The following PRICKLE1 variants were observed in gnomAD, a reference collection of about 807,000 sequenced individuals.
The protein encoded by PRICKLE1 is prickle-like protein 1.
Under a neutral mutation model 70.2 loss-of-function variants are expected in PRICKLE1, and 14 were observed. That is an observed-to-expected ratio of 0.20 (90% CI 0.13 to 0.31). The LOEUF (loss-of-function observed/expected upper bound fraction) is 0.31, where lower values mean the gene tolerates loss of function less well. Among genes scored for constraint, PRICKLE1 ranks in the 10% least tolerant of loss-of-function variants. The probability of loss-of-function intolerance (pLI) is 1.00; values close to 1 mark genes in which losing one functional copy is unlikely to be tolerated. For missense variants in PRICKLE1, 821 were observed against 1,026.2 expected (o/e 0.80, Z 2.73); for synonymous variants, 357 against 379.9 (o/e 0.94, Z 0.70).
chr12:42,568,329 C>T (rs1940655444), intron 1 of PRICKLE1, among the ~76,000 whole-genome samples: 1 of 152,174 alleles, frequency 6.6e-6, no homozygotes, highest in South Asian at 2.1e-4. Context: ...TGCATGCCAC[C>T]ACACCTGGCT....
chr12:42,467,595 A>G (rs1938150809), intron 5 of PRICKLE1, among the ~76,000 whole-genome samples: 1 of 152,008 alleles, frequency 6.6e-6, no homozygotes. Context: ...CAAAAAAAAA[A>G]ATTAGCTGGG....
At chr12:42,499,768 C>A (rs1939273731) in intron 1 of PRICKLE1, among the ~76,000 whole-genome samples, 1 of 151,614 alleles carries the variant, frequency 6.6e-6, no homozygotes. Context: ...TGCTCTGTTG[C>A]CCACGCTGGA....
chr12:42,521,929 G>GGTGTGTGTGTGTGTGT (rs72169209), intron 1 of PRICKLE1, among the ~76,000 whole-genome samples: 1 of 139,876 alleles, frequency 7.1e-6, no homozygotes, highest in African/African-American at 2.8e-5. Context: ...GTTTGTTTTT[G>GGTGTGTGTGTGTGTGT]GTGTGTGTGT....
In PRICKLE1 at chr12:42,464,326, T is replaced by C; in HGVS notation, c.1639+69A>G. ...ATGAGCCACTGCGCCTGGCTTGAAT[T>C]GCAATTTTTTGAATACACTTTTTAG... On this transcript the variant is annotated intron_variant, in intron 7 of 7. Coordinates refer to ENST00000345127, the MANE Select transcript of PRICKLE1 (RefSeq NM_153026.3). The surrounding 1 kb of genome is among the most constrained non-coding windows in gnomAD (Gnocchi z 4.2). 6.2e-7 allele frequency: 1 copy of C among 1,601,476 alleles called. No homozygotes were observed. The highest frequency in any genetic ancestry group is 2.2e-5 in the East Asian group (1 of 44,800).
At chr12:42,539,368 T>C (rs1437524401) in intron 1 of PRICKLE1, among the ~76,000 whole-genome samples, 2 of 151,234 alleles carry the variant, frequency 1.3e-5, no homozygotes, top group Non-Finnish European at 2.9e-5. Context: ...CTCGGGAGGC[T>C]GAGGCAGGAG....
intron 1 of PRICKLE1, among the ~76,000 whole-genome samples, chr12:42,553,545 G>A (rs887449421): frequency 2.7e-4 from 40 of 150,436 alleles, no homozygotes; most frequent in African/African-American, 9.7e-4. Flanking sequence ...GGCGGGGGGG[G>A]TCTGAGTGTC....
chr12:42,564,779 T>A (rs919653831), intron 1 of PRICKLE1, among the ~76,000 whole-genome samples: 3 of 152,186 alleles, frequency 2.0e-5, no homozygotes, highest in Non-Finnish European at 2.9e-5. Flanking sequence ...TTATTTGGAT[T>A]CCTAAGTCCT....
At chr12:42,538,938 A>T (rs1298665755) in intron 1 of PRICKLE1, among the ~76,000 whole-genome samples, 1 of 152,196 alleles carries the variant, frequency 6.6e-6, no homozygotes, top group East Asian at 1.9e-4. Flanking sequence ...AAAGTTAGAG[A>T]GTGGTAGCTA....
intron 1 of PRICKLE1, among the ~76,000 whole-genome samples, chr12:42,475,468 C>G (rs1938485719): frequency 6.6e-6 from 1 of 152,100 alleles, no homozygotes; most frequent in Non-Finnish European, 1.5e-5. Flanking sequence ...TAGGACCGGT[C>G]TTGGCTGTGA....
intron 1 of PRICKLE1, among the ~76,000 whole-genome samples, chr12:42,570,622 C>T (rs1466743808): frequency 6.6e-6 from 1 of 152,122 alleles, no homozygotes; most frequent in Non-Finnish European, 1.5e-5. Flanking sequence ...GAGTTCGAGA[C>T]CAGCCTGGCC....
Position 42,459,662 on chromosome 12 carries a change from TGACACTGTAAACAGCA to T in PRICKLE1, c.*131_*146del, listed in dbSNP as rs1566074806. The T allele has an allele frequency of 1.1e-6, 1 of 927,744 alleles. No homozygotes were observed. The highest frequency in any genetic ancestry group is 1.7e-6 in the Non-Finnish European group (1 of 589,338). The allele number at this position is 927,744 out of a possible 1,614,324, so 57.5% of individuals were successfully genotyped here. A position where few individuals can be genotyped will look rare whatever the true frequency, so the allele number is the denominator to read the frequency against. The stretch of plus-strand genomic sequence containing the variant: ...AAATCACACCTTTCAAATGTTAATC[TGACACTGTAAACAGCA>T]GTTGAGTTCTCATTTACATGGGCAA... On this transcript the variant is annotated 3_prime_UTR_variant, in exon 8 of 8. Transcript: ENST00000345127.
At chr12:42,509,416 T>C (rs1283383736) in intron 1 of PRICKLE1, among the ~76,000 whole-genome samples, 8 of 152,294 alleles carry the variant, frequency 5.3e-5, no homozygotes, top group Admixed American at 4.6e-4. Flanking sequence ...ACTCCAGAAT[T>C]AAGTTCCAAG....
At chr12:42,558,680 T>C (rs1408999133) in intron 1 of PRICKLE1, among the ~76,000 whole-genome samples, 1 of 152,242 alleles carries the variant, frequency 6.6e-6, no homozygotes, top group African/African-American at 2.4e-5. Context: ...AAAAGTCTTC[T>C]AGAGAAAGTA....
chr12:42,494,466 A>G (rs1358161398), intron 1 of PRICKLE1, among the ~76,000 whole-genome samples: 2 of 152,196 alleles, frequency 1.3e-5, no homozygotes, highest in Non-Finnish European at 2.9e-5. Flanking sequence ...CATCTTCACC[A>G]GGAGTAGATT....
chr12:42,477,580 A>G (rs1413568981), intron 1 of PRICKLE1, among the ~76,000 whole-genome samples: 1 of 147,394 alleles, frequency 6.8e-6, no homozygotes, highest in East Asian at 2.0e-4. Flanking sequence ...ACTATATGGT[A>G]TTTACTTTTG....
intron 2 of PRICKLE1, among the ~76,000 whole-genome samples, chr12:42,471,398 C>T (rs760122880): frequency 6.6e-6 from 1 of 152,086 alleles, no homozygotes; most frequent in Non-Finnish European, 1.5e-5. Context: ...TACTTCAATA[C>T]CTTAGTACCA....
chr12:42,494,207 T>C (rs1400295715), intron 1 of PRICKLE1, among the ~76,000 whole-genome samples: 2 of 152,226 alleles, frequency 1.3e-5, no homozygotes, highest in African/African-American at 4.8e-5. Flanking sequence ...GTGATCAGGA[T>C]GGTAGTTGGT....
intron 1 of PRICKLE1, among the ~76,000 whole-genome samples, chr12:42,478,822 C>T (rs1476391915): frequency 1.3e-5 from 2 of 151,540 alleles, no homozygotes; most frequent in Non-Finnish European, 2.9e-5. Context: ...TCCTTTCTCT[C>T]GCCTCTTCCT....
rs2140114516 is a variant in PRICKLE1 at position 42,468,836 on chromosome 12, A to G, written c.385-7T>C. 2 of 1,613,386 alleles carry G rather than the reference A, an allele frequency of 1.2e-6. No individual in the cohort carries two copies. The highest frequency in any genetic ancestry group is 2.2e-5 in the South Asian group (2 of 91,056). ...CATTTATCTTCAAACCACACTACAA[A>G]CAAATGGGTTTGAATGTAAAAGGAT... is the stretch of plus-strand genomic sequence containing the variant. On this transcript the variant is annotated splice_region_variant and splice_polypyrimidine_tract_variant and intron_variant, in intron 4 of 7. Coordinates refer to ENST00000345127, the MANE Select transcript of PRICKLE1 (RefSeq NM_153026.3).
Sources: gnomAD v4.1 joint callset for allele counts (sites outside exome capture counted in the v4.1 genomes callset) on GRCh38, gnomAD v4.1.1 for gene constraint, Gnocchi (gnomAD v3.1) non-coding constraint, MANE v1.5 for transcripts, NCBI Gene and HGNC (gene_info 2026-07-23, HGNC 2026-07-21) for gene names.